The following ZC3H4 variants were observed in gnomAD, a reference collection of about 807,000 sequenced individuals.
The protein encoded by ZC3H4 is zinc finger CCCH-type containing 4.
ZC3H4 carries 13 observed loss-of-function variants against 108.3 expected under a neutral mutation model. That is an observed-to-expected ratio of 0.12 (90% confidence interval 0.08 to 0.19). The LOEUF is 0.19. ZC3H4 is among the 10% of genes least tolerant of loss of function. The pLI is 1.00. For missense variants in ZC3H4, 1,734 were observed against 1,838.8 expected, an observed-to-expected ratio of 0.94 and a Z score of 1.04; for synonymous variants, 917 against 749.6, an observed-to-expected ratio of 1.22 and a Z score of -3.65.
chr19:47,071,966 GGCATGTCTGCGTGCATGTCTGCGT>G lies in ZC3H4; in HGVS notation c.1934_1957del (p.His645_Met652del). On this transcript the variant is annotated inframe_deletion, in exon 13 of 15. Transcript: ENST00000253048. ...GCCAGGATTCATGCCAGGGCCCATC[GGCATGTCTGCGTGCATGTCTGCGT>G]GCATGTCAGGGTGCATGTCCGGGTG... 1 of 1,611,774 alleles carries G rather than the reference GGCATGTCTGCGTGCATGTCTGCGT, an allele frequency of 6.2e-7. No individual in the cohort carries two copies. The highest frequency in any genetic ancestry group is 8.5e-7 in the Non-Finnish European group (1 of 1,178,964).
chr19:47,103,763 A>T (rs1229059228), intron 2 of ZC3H4, among the ~76,000 whole-genome samples: 1 of 18,336 alleles, frequency 5.5e-5, no homozygotes, highest in Non-Finnish European at 3.8e-4. Flanking sequence ...CGTCTCTACT[A>T]AAAAAAAAAA....
chr19:47,068,804 G>C (rs2057268895), intron 14 of ZC3H4, among the ~76,000 whole-genome samples: 1 of 152,208 alleles, frequency 6.6e-6, no homozygotes, highest in South Asian at 2.1e-4. Context: ...CTCTGGCAGG[G>C]CACAGGCGGT....
intron 2 of ZC3H4, among the ~76,000 whole-genome samples, chr19:47,097,991 A>G (rs2057850040): frequency 6.6e-6 from 1 of 152,214 alleles, no homozygotes; most frequent in African/African-American, 2.4e-5. Flanking sequence ...GGAAATGGGA[A>G]GAGGCCAACG....
chr19:47,077,068 G>A (rs966337249), intron 11 of ZC3H4, among the ~76,000 whole-genome samples: 8 of 152,156 alleles, frequency 5.3e-5, no homozygotes, highest in African/African-American at 1.9e-4. Context: ...TCAAGAGGCA[G>A]AGAACTGCTT....
At chr19:47,080,540 G>C (rs2057502072) in intron 11 of ZC3H4, among the ~76,000 whole-genome samples, 1 of 152,174 alleles carries the variant, frequency 6.6e-6, no homozygotes. Context: ...CTGTTACCCA[G>C]GCTGGAGTGC....
At chr19:47,109,096 T>C (rs1356233392) in intron 2 of ZC3H4, among the ~76,000 whole-genome samples, 1 of 150,996 alleles carries the variant, frequency 6.6e-6, no homozygotes, top group Non-Finnish European at 1.5e-5. Flanking sequence ...CACCCTTTTC[T>C]TTTTTTTTGC....
chr19:47,102,394 G>A (rs1460859319), intron 2 of ZC3H4, among the ~76,000 whole-genome samples: 1 of 152,160 alleles, frequency 6.6e-6, no homozygotes, highest in Non-Finnish European at 1.5e-5. Context: ...AATCGAGTAG[G>A]GAAAAATAAG....
chr19:47,100,645 T>C (rs1307225887), intron 2 of ZC3H4, among the ~76,000 whole-genome samples: 5 of 151,940 alleles, frequency 3.3e-5, no homozygotes, highest in Admixed American at 2.6e-4. Flanking sequence ...ATTTGAGATA[T>C]TAATTGTTAA....
intron 2 of ZC3H4, among the ~76,000 whole-genome samples, chr19:47,102,699 A>G (rs1568566848): frequency 1.3e-5 from 2 of 151,926 alleles, no homozygotes; most frequent in African/African-American, 4.8e-5. Flanking sequence ...AAATGGTAGC[A>G]TTTCAAAAAC....
chr19:47,106,736 TA>T lies in ZC3H4; in HGVS notation c.161+5687del, dbSNP rs538065506. On this transcript the variant is annotated intron_variant, in intron 2 of 14. Transcript: ENST00000253048. ...GTAACAACCCTAGCCCGACTCTAAA[TA>T]AAGTCTTCATGATAGAAGGGTTCTC... 2.9e-3 allele frequency among the ~76,000 whole-genome samples: 438 copies of T among 152,290 alleles called. 2 individuals are homozygous for T. The highest frequency in any genetic ancestry group is 0.01 in the African/African-American group (417 of 41,566).
chr19:47,101,822 C>T (rs2057907688), intron 2 of ZC3H4, among the ~76,000 whole-genome samples: 1 of 149,614 alleles, frequency 6.7e-6, no homozygotes, highest in South Asian at 2.1e-4. Flanking sequence ...AATGAGCGAT[C>T]GCACCACTGC....
chr19:47,111,015 G>T, intron 2 of ZC3H4: 2 of 732,768 alleles, frequency 2.7e-6, no homozygotes, highest in Non-Finnish European at 3.3e-6. Flanking sequence ...CGTACGTACA[G>T]CCTGGCAAGG....
At chr19:47,096,805 T>C (rs2057828408) in intron 2 of ZC3H4, 1 of 985,308 alleles carries the variant, frequency 1.0e-6, no homozygotes, top group Admixed American at 6.1e-5. Context: ...CTTGACTACC[T>C]CCTTTTCTGC....
intron 2 of ZC3H4, among the ~76,000 whole-genome samples, chr19:47,105,552 T>A (rs577371879): frequency 6.6e-6 from 1 of 152,096 alleles, no homozygotes; most frequent in Non-Finnish European, 1.5e-5. Flanking sequence ...TGAGCCAAGA[T>A]CATGCCACCG....
intron 2 of ZC3H4, among the ~76,000 whole-genome samples, chr19:47,102,740 G>A (rs1466238624): frequency 1.3e-5 from 2 of 151,026 alleles, no homozygotes; most frequent in Non-Finnish European, 2.9e-5. Flanking sequence ...AGAGAATAAG[G>A]GCTCATGGAA....
rs1424630369 is a variant in ZC3H4 at position 47,066,123 on chromosome 19, A to G, written c.*233T>C. ...GCGGGCATGAGTCGGTTTGCTCAGC[A>G]GGAGCCCCTGAGCCCGCCACACTGA... On this transcript the variant is annotated 3_prime_UTR_variant, in exon 15 of 15. Coordinates refer to ENST00000253048, the MANE Select transcript of ZC3H4 (RefSeq NM_015168.2). 1 of 389,372 alleles carries G rather than the reference A, an allele frequency of 2.6e-6. No individual in the cohort carries two copies. Among genetic ancestry groups the G allele is most frequent in the Non-Finnish European group, 4.5e-6 (1 of 219,936 alleles). The allele number at this position is 389,372 out of a possible 1,614,324, so 24.1% of individuals were successfully genotyped here. A position where few individuals can be genotyped will look rare whatever the true frequency, so the allele number is the denominator to read the frequency against.
chr19:47,094,158 A>G, intron 3 of ZC3H4, 78 bp from the exon 4 acceptor site: 2 of 1,414,134 alleles, frequency 1.4e-6, no homozygotes, highest in Non-Finnish European at 2.0e-6. Flanking sequence ...AGGACAAACT[A>G]TGCTGGCATG....
intron 9 of ZC3H4, among the ~76,000 whole-genome samples, chr19:47,082,905 C>T (rs1002640881): frequency 3.9e-5 from 6 of 152,158 alleles, no homozygotes; most frequent in African/African-American, 1.2e-4. Context: ...ACAGTCTCAA[C>T]GACACAATAC....
intron 14 of ZC3H4, among the ~76,000 whole-genome samples, chr19:47,068,376 G>C (rs368026334): frequency 6.6e-6 from 1 of 152,218 alleles, no homozygotes; most frequent in Non-Finnish European, 1.5e-5. Flanking sequence ...CTGGGGCTCA[G>C]AGACACTTGA....
Sources: gnomAD v4.1 joint callset for allele counts (sites outside exome capture counted in the v4.1 genomes callset) on GRCh38, gnomAD v4.1.1 for gene constraint, MANE v1.5 for transcripts, NCBI Gene and HGNC (gene_info 2026-07-23, HGNC 2026-07-21) for gene names.